The following ZNF644 variants were observed in gnomAD, a reference collection of about 807,000 sequenced individuals.
ZNF644 encodes the protein zinc finger motif enhancer binding protein 2.
A neutral mutation model predicts 108.0 loss-of-function variants in ZNF644; 20 were observed. The ratio of observed to expected loss-of-function variants is 0.19; its 90% CI spans 0.13 to 0.27. The LOEUF (loss-of-function observed/expected upper bound fraction) is 0.27, where lower values mean the gene tolerates loss of function less well. Among genes scored for constraint, ZNF644 ranks in the 10% least tolerant of loss-of-function variants. The probability of loss-of-function intolerance (pLI) is 1.00; values close to 1 mark genes in which losing one functional copy is unlikely to be tolerated. For synonymous variants in ZNF644, 542 were observed against 539.1 expected, an observed-to-expected ratio of 1.01 and a Z score of -0.08; for missense variants, 1,338 against 1,548.9, an observed-to-expected ratio of 0.86 and a Z score of 2.29.
At chr1:90,994,689 T>C (rs1486911665) in intron 1 of ZNF644, among the ~76,000 whole-genome samples, 1 of 152,358 alleles carries the variant, frequency 6.6e-6, no homozygotes. Context: ...GCTGCAGCTC[T>C]ACAAGGTTGA....
At position 90,939,702 on chromosome 1, in the gene ZNF644, A is replaced by G; in HGVS notation, c.1652T>C (p.Val551Ala). 6.2e-7 allele frequency: 1 copy of G among 1,613,948 alleles called. No individual in the cohort carries two copies. The highest frequency in any genetic ancestry group is 1.1e-5 in the South Asian group (1 of 91,076). Reference sequence around the variant, plus strand: ...AGAAGTGACCATAGGGCATTTTACCACTGCCCCATGTGCAATGCCTCGATG... The same window carrying G: ...AGAAGTGACCATAGGGCATTTTACCGCTGCCCCATGTGCAATGCCTCGATG... ...ECHRGIAHGA[V>A]VKCPMVTSDI... Residue 551 changes from valine (V) to alanine (A), a missense_variant, in exon 3 of 6, where the codon GTG (valine) becomes GCG (alanine). Val to Ala is a moderately conservative substitution (Grantham distance 64). Around this residue, in one of 6 missense-constraint regions of ZNF644, gnomAD observed 462 missense variants for 472.6 expected, o/e 0.98. Coordinates refer to ENST00000337393, the MANE Select transcript of ZNF644 (RefSeq NM_201269.3).
At chr1:90,994,647 A>G (rs1243924224) in intron 1 of ZNF644, among the ~76,000 whole-genome samples, 1 of 152,240 alleles carries the variant, frequency 6.6e-6, no homozygotes, top group Non-Finnish European at 1.5e-5. Context: ...AACAGAGTGC[A>G]TTCCCCAACT....
Position 90,918,223 on chromosome 1 carries a change from CTA to C in ZNF644, c.3689-71_3689-70del. ...AAAATATACATACACACATATTTTT[CTA>C]GAGAGGTCAGACAGACCATCTAAAT... On this transcript the variant is annotated intron_variant, in intron 4 of 5. Transcript: ENST00000337393. 3.8e-6 allele frequency: 5 copies of C among 1,301,200 alleles called. No individual in the cohort carries two copies. In the South Asian group the frequency reaches 6.1e-5, roughly 16 times the overall value. The allele number at this position is 1,301,200 out of a possible 1,614,324, so 80.6% of individuals were successfully genotyped here.
intron 2 of ZNF644, among the ~76,000 whole-genome samples, chr1:90,965,341 C>T (rs369712576): frequency 6.6e-5 from 10 of 152,190 alleles, no homozygotes; most frequent in African/African-American, 1.7e-4. Context: ...CTCTTCACAT[C>T]GTCTTCCTTC....
chr1:90,997,027 G>A (rs964449054), intron 1 of ZNF644, among the ~76,000 whole-genome samples: 1 of 152,170 alleles, frequency 6.6e-6, no homozygotes, highest in Non-Finnish European at 1.5e-5. Flanking sequence ...AGAGGTAATT[G>A]TTTCATATTG....
intron 4 of ZNF644, among the ~76,000 whole-genome samples, chr1:90,937,125 C>G (rs1387571165): frequency 6.6e-6 from 1 of 152,068 alleles, no homozygotes; most frequent in Non-Finnish European, 1.5e-5. Context: ...TTCAATAATG[C>G]TATGCTTTTG....
chr1:90,935,043 G>T (rs1651169871), intron 4 of ZNF644, among the ~76,000 whole-genome samples: 1 of 152,116 alleles, frequency 6.6e-6, no homozygotes, highest in African/African-American at 2.4e-5. Context: ...TGGGACTATA[G>T]GGGCACACCA....
intron 1 of ZNF644, among the ~76,000 whole-genome samples, chr1:91,007,356 G>C (rs1016280971): frequency 6.7e-6 from 1 of 149,978 alleles, no homozygotes; most frequent in Admixed American, 6.7e-5. Flanking sequence ...TGGGATTACG[G>C]GTGCATACCA....
chr1:90,955,611 G>C (rs1320115786), intron 2 of ZNF644, among the ~76,000 whole-genome samples: 1 of 152,164 alleles, frequency 6.6e-6, no homozygotes, highest in African/African-American at 2.4e-5. Context: ...ATCCACCTCT[G>C]TTAGCTTCCA....
At chr1:90,969,859 C>T (rs1022820433) in intron 2 of ZNF644, among the ~76,000 whole-genome samples, 2 of 152,090 alleles carry the variant, frequency 1.3e-5, no homozygotes, top group Non-Finnish European at 2.9e-5. Flanking sequence ...GGAATGTATC[C>T]CCCACGGATT....
chr1:90,968,331 T>C (rs550802075), intron 2 of ZNF644, among the ~76,000 whole-genome samples: 5 of 152,286 alleles, frequency 3.3e-5, no homozygotes, highest in East Asian at 3.9e-4. Context: ...TGTCAAAATA[T>C]AGTATTGCAT....
At chr1:91,014,057 CTTCTTA>C (rs1267241586) in intron 1 of ZNF644, among the ~76,000 whole-genome samples, 1 of 152,002 alleles carries the variant, frequency 6.6e-6, no homozygotes, top group Non-Finnish European at 1.5e-5. Context: ...TCTTCTTCTT[CTTCTTA>C]AACTGATAAA....
intron 1 of ZNF644, among the ~76,000 whole-genome samples, chr1:90,991,081 T>A (rs1657588146): frequency 1.3e-5 from 2 of 152,226 alleles, no homozygotes; most frequent in South Asian, 4.1e-4. Context: ...AACCTGCTTT[T>A]AACACCTTCA....
chr1:90,964,966 C>A (rs752400580), intron 2 of ZNF644, among the ~76,000 whole-genome samples: 1 of 151,974 alleles, frequency 6.6e-6, no homozygotes, highest in Non-Finnish European at 1.5e-5. Context: ...AGTTGCTTTA[C>A]AAATTAATGA....
At chr1:90,961,977 C>G (rs1233558611) in intron 2 of ZNF644, among the ~76,000 whole-genome samples, 1 of 151,892 alleles carries the variant, frequency 6.6e-6, no homozygotes, top group Non-Finnish European at 1.5e-5. Flanking sequence ...GAGAAACAAT[C>G]TTGATAAAAG....
intron 2 of ZNF644, among the ~76,000 whole-genome samples, chr1:90,950,406 A>G (rs1653023677): frequency 6.6e-6 from 1 of 151,270 alleles, no homozygotes; most frequent in Non-Finnish European, 1.5e-5. Context: ...TAGTTTTTTT[A>G]ATTTCAAAGT....
intron 4 of ZNF644, among the ~76,000 whole-genome samples, chr1:90,929,711 A>T (rs1650500058): frequency 6.6e-6 from 1 of 152,214 alleles, no homozygotes; most frequent in Non-Finnish European, 1.5e-5. Flanking sequence ...AGTGGCTTAC[A>T]AACCCATTCA....
At chr1:90,933,868 T>C (rs1450446012) in intron 4 of ZNF644, among the ~76,000 whole-genome samples, 1 of 152,164 alleles carries the variant, frequency 6.6e-6, no homozygotes, top group Admixed American at 6.5e-5. Flanking sequence ...CTGTGTAAGT[T>C]TGAGCAAATT....
At chr1:90,946,579 T>C (rs1394635266) in intron 2 of ZNF644, among the ~76,000 whole-genome samples, 1 of 152,158 alleles carries the variant, frequency 6.6e-6, no homozygotes, top group East Asian at 1.9e-4. Flanking sequence ...ATTCTTTAAA[T>C]TCACAATTAC....
Sources: gnomAD v4.1 joint callset for allele counts (sites outside exome capture counted in the v4.1 genomes callset) on GRCh38, gnomAD v4.1.1 for gene constraint, gnomAD v4.1.1 regional missense constraint, MANE v1.5 for transcripts, NCBI Gene and HGNC (gene_info 2026-07-23, HGNC 2026-07-21) for gene names.